The following OXSR1 variants were observed in gnomAD, a reference collection of about 807,000 sequenced individuals.
OXSR1 encodes the protein oxidative stress responsive kinase 1.
Under a neutral mutation model 79.8 loss-of-function variants are expected in OXSR1, and 24 were observed. The ratio of observed to expected loss-of-function variants is 0.30; its 90% confidence interval spans 0.22 to 0.42. The LOEUF is 0.42. Among genes scored for constraint, OXSR1 ranks in the 10% least tolerant of loss-of-function variants. The probability of loss-of-function intolerance (pLI) is 1.00; values close to 1 mark genes in which losing one functional copy is unlikely to be tolerated. For synonymous variants in OXSR1, 226 were observed against 209.2 expected (o/e 1.08, Z -0.69); for missense variants, 430 against 618.4 (o/e 0.70, Z 3.23).
intron 6 of OXSR1, among the ~76,000 whole-genome samples, chr3:38,222,073 A>G (rs1702600248): frequency 6.6e-6 from 1 of 152,192 alleles, no homozygotes; most frequent in African/African-American, 2.4e-5. Flanking sequence ...TATCAAACTC[A>G]GTATGCTGCG....
At chr3:38,250,343 G>C (rs1195077532) in intron 15 of OXSR1, among the ~76,000 whole-genome samples, 3 of 152,146 alleles carry the variant, frequency 2.0e-5, no homozygotes, top group African/African-American at 7.2e-5. Context: ...TAGTATCGAT[G>C]ATGAAATCAA....
chr3:38,165,774 CGCGGCG>C lies in OXSR1; in HGVS notation c.-88_-83del. 18 of 1,008,412 alleles carry C rather than the reference CGCGGCG, an allele frequency of 1.8e-5. No homozygotes were observed. Among genetic ancestry groups the C allele is most frequent in the Admixed American group, 2.1e-5 (1 of 47,546 alleles). The allele number at this position is 1,008,412 out of a possible 1,614,324, so 62.5% of individuals were successfully genotyped here. A position where few individuals can be genotyped will look rare whatever the true frequency, so the allele number is the denominator to read the frequency against. On this transcript the variant is annotated 5_prime_UTR_variant, in exon 1 of 18. Transcript: ENST00000311806. ...GCTGTTCCGAGACGATTGGTGGGGG[CGCGGCG>C]GCGGCGGCGGCGGCTGTTGGGGGTG...
In OXSR1 at chr3:38,224,568, C is replaced by T. The variant is rs1171976134; in HGVS notation, c.703-3C>T. 2.5e-6 allele frequency: 4 copies of T among 1,574,868 alleles called. No homozygotes were observed. Among genetic ancestry groups the T allele is most frequent in the Non-Finnish European group, 3.4e-6 (4 of 1,167,558 alleles). On this transcript the variant is annotated splice_polypyrimidine_tract_variant and splice_region_variant and intron_variant, in intron 7 of 17. Coordinates refer to ENST00000311806, the MANE Select transcript of OXSR1 (RefSeq NM_005109.3). ...GTTTATAGTATATTGAAAATTCTTG[C>T]AGGTTTTAATGCTGACACTGCAGAA...
At chr3:38,219,263 C>T (rs115700436) in intron 5 of OXSR1, among the ~76,000 whole-genome samples, 1,837 of 152,218 alleles carry the variant, frequency 0.012, 35 homozygotes, top group African/African-American at 0.041. Flanking sequence ...TACAAAAATT[C>T]TGGATCATTA....
chr3:38,228,996 T>C (rs1702751519), intron 8 of OXSR1, among the ~76,000 whole-genome samples: 1 of 152,294 alleles, frequency 6.6e-6, no homozygotes, highest in East Asian at 1.9e-4. Flanking sequence ...CAGGTAGGTG[T>C]GTGGCAAAAT....
chr3:38,188,776 G>T (rs1701931563), intron 2 of OXSR1, among the ~76,000 whole-genome samples: 1 of 152,122 alleles, frequency 6.6e-6, no homozygotes, highest in South Asian at 2.1e-4. Context: ...GTTAATGCAG[G>T]AAACTTCCAA....
At chr3:38,222,087 C>T (rs1460100867) in intron 6 of OXSR1, among the ~76,000 whole-genome samples, 1 of 152,090 alleles carries the variant, frequency 6.6e-6, no homozygotes, top group Non-Finnish European at 1.5e-5. Context: ...TGCTGCGAAC[C>T]GAATTCATTT....
intron 4 of OXSR1, among the ~76,000 whole-genome samples, chr3:38,211,520 A>C (rs945406138): frequency 4.6e-5 from 7 of 152,206 alleles, no homozygotes; most frequent in Non-Finnish European, 7.3e-5. Flanking sequence ...TTAGGTCTTA[A>C]ATGTTTTATA....
intron 1 of OXSR1, 88 bp downstream of exon 1, chr3:38,166,034 G>A (rs1030737902): frequency 1.1e-5 from 14 of 1,220,666 alleles, no homozygotes; most frequent in African/African-American, 8.9e-5. Context: ...CTCGGGGAGC[G>A]CAGCCCTCAT....
chr3:38,171,933 A>T (rs1309292158), intron 1 of OXSR1, among the ~76,000 whole-genome samples: 1 of 152,214 alleles, frequency 6.6e-6, no homozygotes, highest in Non-Finnish European at 1.5e-5. Flanking sequence ...CTTACTAGTT[A>T]TGTGATCTTA....
rs1483400477 is a variant in OXSR1 at position 38,255,404 on chromosome 3, T to C, written c.*2513T>C. 6.5e-6 allele frequency: 1 copy of C among 152,684 alleles called. No homozygotes were observed. The highest frequency in any genetic ancestry group is 6.5e-5 in the Admixed American group (1 of 15,286). The allele number at this position is 152,684 out of a possible 1,614,324, so 9.5% of individuals were successfully genotyped here. A position where few individuals can be genotyped will look rare whatever the true frequency, so the allele number is the denominator to read the frequency against. The stretch of plus-strand genomic sequence containing the variant: ...GCTAGGTTATGGAAGATGTAAAATA[T>C]TCAACTTTTTCCTCCTTTTTTTGGA... On this transcript the variant is annotated 3_prime_UTR_variant, in exon 18 of 18. Transcript: ENST00000311806.
chr3:38,234,241 G>A (rs1702872554), intron 10 of OXSR1, among the ~76,000 whole-genome samples: 1 of 152,166 alleles, frequency 6.6e-6, no homozygotes, highest in African/African-American at 2.4e-5. Flanking sequence ...AAAGGAAAAA[G>A]TAGGTAAATT....
intron 2 of OXSR1, among the ~76,000 whole-genome samples, chr3:38,189,106 A>G (rs1245526814): frequency 6.6e-6 from 1 of 152,136 alleles, no homozygotes. Flanking sequence ...TGTACCTATC[A>G]TCTTGTACTG....
At chr3:38,182,911 G>A (rs764706481) in intron 1 of OXSR1, 92 bp from the exon 2 acceptor site, 2 of 689,870 alleles carry the variant, frequency 2.9e-6, no homozygotes. Context: ...AACAAGATAA[G>A]GATTACTCTT....
intron 5 of OXSR1, among the ~76,000 whole-genome samples, chr3:38,221,185 G>A (rs1702582450): frequency 1.3e-5 from 2 of 152,080 alleles, no homozygotes; most frequent in Non-Finnish European, 1.5e-5. Flanking sequence ...TCTGATAGTG[G>A]TATGTAGAGT....
chr3:38,208,959 A>AGTGTGTGTGT lies in OXSR1; in HGVS notation c.435-7119_435-7110dup, dbSNP rs144109114. 2.9e-4 allele frequency among the ~76,000 whole-genome samples: 42 copies of AGTGTGTGTGT among 146,974 alleles called. No homozygotes were observed. The East Asian group carries it at 3.0e-3, about 10-fold the overall frequency. On this transcript the variant is annotated intron_variant, in intron 4 of 17. Coordinates refer to ENST00000311806, the MANE Select transcript of OXSR1 (RefSeq NM_005109.3). ...TATTCTAAGAGTAACCCAGTTAAGG[A>AGTGTGTGTGT]GTGTGTGTGTGTGTGTGTGTGTGTG...
At chr3:38,215,970 C>G (rs1294585426) in intron 4 of OXSR1, 126 bp from the exon 5 acceptor site, 7 of 661,894 alleles carry the variant, frequency 1.1e-5, no homozygotes, top group Non-Finnish European at 1.9e-5. Flanking sequence ...TCTTAATATC[C>G]TTTAATATAA....
Position 38,255,269 on chromosome 3 carries a change from G to A in OXSR1, c.*2378G>A, listed in dbSNP as rs1703341775. 1 of 152,582 alleles carries A rather than the reference G, an allele frequency of 6.6e-6. No individual in the cohort carries two copies. Among genetic ancestry groups the A allele is most frequent in the Non-Finnish European group, 1.5e-5 (1 of 68,034 alleles). 9.5% of individuals were successfully genotyped at this position (152,582 alleles called of 1,614,324 possible). On this transcript the variant is annotated 3_prime_UTR_variant, in exon 18 of 18. Coordinates refer to ENST00000311806, the MANE Select transcript of OXSR1 (RefSeq NM_005109.3). ...TCTAAACGACTAAAGGATTTGTTGG[G>A]TTTTTGCTTAAGTTTTGAACCAAAT...
intron 17 of OXSR1, among the ~76,000 whole-genome samples, 193 bp downstream of exon 17, chr3:38,252,585 T>A (rs1703280122): frequency 6.6e-6 from 1 of 152,094 alleles, no homozygotes; most frequent in Non-Finnish European, 1.5e-5. Flanking sequence ...CCAGGAAACC[T>A]CTGACCCCAG....
Sources: gnomAD v4.1 joint callset for allele counts (sites outside exome capture counted in the v4.1 genomes callset) on GRCh38, gnomAD v4.1.1 for gene constraint, MANE v1.5 for transcripts, NCBI Gene and HGNC (gene_info 2026-07-23, HGNC 2026-07-21) for gene names.